Variants in UNC5D observed in about 807,000 individuals in gnomAD.
UNC5D encodes unc-5 netrin receptor D, also known as netrin receptor UNC5D.
UNC5D carries 39 observed loss-of-function variants against 105.4 expected under a neutral mutation model. The ratio of observed to expected loss-of-function variants is 0.37; its 90% CI spans 0.29 to 0.48. UNC5D has a LOEUF of 0.48. Among genes scored for constraint, UNC5D ranks in the 20% least tolerant of loss-of-function variants. The probability of loss-of-function intolerance (pLI) is 0.98; values close to 1 mark genes in which losing one functional copy is unlikely to be tolerated. For synonymous variants in UNC5D, 452 were observed against 450.4 expected, an observed-to-expected ratio of 1.00 and a Z score of -0.04; for missense variants, 991 against 1,202.4, an observed-to-expected ratio of 0.82 and a Z score of 2.60.
intron 1 of UNC5D, among the ~76,000 whole-genome samples, chr8:35,504,683 G>A (rs1213705560): frequency 6.6e-6 from 1 of 152,112 alleles, no homozygotes; most frequent in Non-Finnish European, 1.5e-5. Context: ...GTATGCATCA[G>A]CATTATCTGG....
chr8:35,250,564 G>A lies in UNC5D; in HGVS notation c.103+14677G>A, dbSNP rs147355061. ...GGCTGGAGTGCAGTGGCACGATCTC[G>A]GCTCACCGCAACCTCCGCCTCCCTG... On this transcript the variant is annotated intron_variant, in intron 1 of 16. Coordinates refer to ENST00000404895, the MANE Select transcript of UNC5D (RefSeq NM_080872.4). Among the ~76,000 whole-genome samples, 1,041 of 152,056 alleles carry A rather than the reference G, an allele frequency of 6.8e-3. 10 individuals carry two copies. Among genetic ancestry groups the A allele is most frequent in the African/African-American group, 0.023 (960 of 41,462 alleles).
chr8:35,533,172 G>T (rs1369898140), intron 1 of UNC5D, among the ~76,000 whole-genome samples: 1 of 152,122 alleles, frequency 6.6e-6, no homozygotes, highest in Non-Finnish European at 1.5e-5. Context: ...CCCCATCTTT[G>T]TGGTTTTATC....
At chr8:35,372,902 T>C (rs190769267) in intron 1 of UNC5D, among the ~76,000 whole-genome samples, 7 of 152,316 alleles carry the variant, frequency 4.6e-5, no homozygotes, top group African/African-American at 1.4e-4. Flanking sequence ...ATGCACTGCC[T>C]TAATATTTTT....
chr8:35,600,252 A>G (rs1032389517), intron 4 of UNC5D, among the ~76,000 whole-genome samples: 24 of 152,130 alleles, frequency 1.6e-4, no homozygotes, highest in Admixed American at 4.6e-4. Context: ...GAATAGTGCC[A>G]CAATAAACAT....
At chr8:35,286,411 A>G (rs769252437) in intron 1 of UNC5D, among the ~76,000 whole-genome samples, 22 of 152,172 alleles carry the variant, frequency 1.4e-4, no homozygotes, top group Non-Finnish European at 3.1e-4. Context: ...TTGAATTCCT[A>G]GCGAGCTTCC....
intron 16 of UNC5D, among the ~76,000 whole-genome samples, chr8:35,787,971 C>A (rs1009775774): frequency 6.6e-6 from 1 of 151,870 alleles, no homozygotes; most frequent in Non-Finnish European, 1.5e-5. Context: ...ATTAGTATAG[C>A]AATGAATAAC....
chr8:35,324,683 T>C lies in UNC5D; in HGVS notation c.103+88796T>C, dbSNP rs375874514. The stretch of plus-strand genomic sequence containing the variant: ...CTCAAAACTAATATTCAGCATGAGA[T>C]GACCATGTTGCTAAATAAAAATGAA... On this transcript the variant is annotated intron_variant, in intron 1 of 16. Coordinates refer to ENST00000404895, the MANE Select transcript of UNC5D (RefSeq NM_080872.4). Among the ~76,000 whole-genome samples, 92 of 152,280 alleles carry C rather than the reference T, an allele frequency of 6.0e-4. 1 individual carries two copies. In the South Asian group the frequency reaches 9.3e-3, roughly 15 times the overall value.
At chr8:35,698,136 T>C (rs1157462249) in intron 7 of UNC5D, among the ~76,000 whole-genome samples, 1 of 152,180 alleles carries the variant, frequency 6.6e-6, no homozygotes, top group Non-Finnish European at 1.5e-5. Context: ...TTAAAAATTG[T>C]ATATGTTTAA....
chr8:35,238,126 C>T (rs1271917567), intron 1 of UNC5D, among the ~76,000 whole-genome samples: 5 of 152,188 alleles, frequency 3.3e-5, no homozygotes, highest in Admixed American at 1.3e-4. Context: ...CCCTAACCAA[C>T]GGGGTATAGA....
intron 1 of UNC5D, among the ~76,000 whole-genome samples, chr8:35,336,786 A>G (rs1811075576): frequency 2.2e-5 from 2 of 90,318 alleles, no homozygotes; most frequent in South Asian, 1.2e-3. Flanking sequence ...ACCAAAGGAA[A>G]TAGTGTTTTT....
chr8:35,648,056 C>G (rs1259115858), intron 4 of UNC5D, among the ~76,000 whole-genome samples: 7 of 152,150 alleles, frequency 4.6e-5, no homozygotes. Context: ...AAGTGCACCA[C>G]ATATTCCTAT....
At chr8:35,599,909 G>A (rs553974543) in intron 4 of UNC5D, among the ~76,000 whole-genome samples, 8 of 152,064 alleles carry the variant, frequency 5.3e-5, no homozygotes, top group South Asian at 2.1e-4. Context: ...CCATTAACTC[G>A]TCATTTAGCA....
chr8:35,462,334 T>C (rs1360821901), intron 1 of UNC5D, among the ~76,000 whole-genome samples: 1 of 152,172 alleles, frequency 6.6e-6, no homozygotes, highest in Non-Finnish European at 1.5e-5. Flanking sequence ...CAAATAGACT[T>C]ACCCACGTGC....
intron 4 of UNC5D, among the ~76,000 whole-genome samples, chr8:35,629,319 C>T (rs1354062904): frequency 6.6e-6 from 1 of 151,926 alleles, no homozygotes; most frequent in Non-Finnish European, 1.5e-5. Context: ...TTTTTCATGT[C>T]TTTGTTGGCT....
In UNC5D at chr8:35,796,196, T is replaced by G. The variant is rs1483787632; in HGVS notation, c.*5633T>G. 1 of 152,168 alleles carries G rather than the reference T, an allele frequency of 6.6e-6. No homozygotes were observed. The highest frequency in any genetic ancestry group is 1.5e-5 in the Non-Finnish European group (1 of 68,030). 9.4% of individuals were successfully genotyped at this position (152,168 alleles called of 1,614,324 possible). A position where few individuals can be genotyped will look rare whatever the true frequency, so the allele number is the denominator to read the frequency against. On this transcript the variant is annotated 3_prime_UTR_variant, in exon 17 of 17. Transcript: ENST00000404895. ...AGCAAGCCAGAGGAGAGAGGTTGAA[T>G]GAAGCATAGCCTTGGCTTCATACCA...
intron 1 of UNC5D, among the ~76,000 whole-genome samples, chr8:35,311,974 T>C (rs1259161586): frequency 6.6e-6 from 1 of 152,070 alleles, no homozygotes; most frequent in Non-Finnish European, 1.5e-5. Context: ...AAAGAACACC[T>C]CCCACTGTTT....
chr8:35,577,378 G>A (rs542910059), intron 3 of UNC5D, among the ~76,000 whole-genome samples: 339 of 152,256 alleles, frequency 2.2e-3, no homozygotes, highest in African/African-American at 7.8e-3. Context: ...CTTTGATGAT[G>A]TTGTGTTTTT....
chr8:35,280,230 A>G (rs1050512413), intron 1 of UNC5D, among the ~76,000 whole-genome samples: 1 of 152,090 alleles, frequency 6.6e-6, no homozygotes, highest in African/African-American at 2.4e-5. Context: ...TCCTGAACTC[A>G]AGTGATCTGC....
intron 1 of UNC5D, among the ~76,000 whole-genome samples, chr8:35,402,132 G>A (rs1804508156): frequency 6.6e-6 from 1 of 152,086 alleles, no homozygotes; most frequent in Non-Finnish European, 1.5e-5. Context: ...ATGCTACGTG[G>A]AGTGGCTTAT....
Sources: gnomAD v4.1 joint callset for allele counts (sites outside exome capture counted in the v4.1 genomes callset) on GRCh38, gnomAD v4.1.1 for gene constraint, MANE v1.5 for transcripts, NCBI Gene and HGNC (gene_info 2026-07-23, HGNC 2026-07-21) for gene names.